Variants in CLN8 observed in about 807,000 individuals in gnomAD.
CLN8 encodes CLN8 transmembrane ER and ERGIC protein.
A neutral mutation model predicts 15.7 loss-of-function variants in CLN8; 14 were observed. The ratio of observed to expected loss-of-function variants is 0.89; its 90% CI spans 0.59 to 1.39. The LOEUF is 1.39. Among genes scored for constraint, CLN8 ranks in the 40% most tolerant of loss-of-function variants. The pLI, the probability that CLN8 is intolerant of heterozygous loss-of-function variation, is 0.00. For synonymous variants in CLN8, 188 were observed against 151.0 expected, an observed-to-expected ratio of 1.25 and a Z score of -1.80; for missense variants, 415 against 364.0, an observed-to-expected ratio of 1.14 and a Z score of -1.14.
upstream of CLN8, chr8:1,760,018 T>C (rs1006730787): frequency 6.6e-6 from 1 of 152,118 alleles, no homozygotes; most frequent in Non-Finnish European, 1.5e-5. Flanking sequence ...ACAATGAGCG[T>C]ATATTGCTTG....
rs1351374531 is a variant in CLN8 at position 1,781,810 on chromosome 8, T to G, written c.*1243T>G. On this transcript the variant is annotated 3_prime_UTR_variant, in exon 3 of 3. Transcript: ENST00000331222. ...CCCTCAGAGATGCTCGACTGCAGGG[T>G]CCTGGGGTCCCTAGAGTGGTCCTGC... 6.6e-6 allele frequency: 1 copy of G among 152,116 alleles called. No individual in the cohort carries two copies. The allele number at this position is 152,116 out of a possible 1,614,324, so 9.4% of individuals were successfully genotyped here.
chr8:1,780,567 G>C lies in CLN8; in HGVS notation c.861G>C (p.Ter287TyrextTer26), dbSNP rs2129015348. Residue 287 changes from the stop codon to tyrosine (Y), a stop_lost, in exon 3 of 3, where the codon TAG becomes TAC. Coordinates refer to ENST00000331222, the MANE Select transcript of CLN8 (RefSeq NM_018941.4). Reference sequence around the variant, plus strand: ...AGCTGCTGCGGAAGAAGAGGCCATAGCTGCTCCAGCCGGGGCTCCGGGGCG... The same window carrying C: ...AGCTGCTGCGGAAGAAGAGGCCATACCTGCTCCAGCCGGGGCTCCGGGGCG... ...NGQLLRKKRP[*>Y] The C allele has an allele frequency of 6.2e-7, 1 of 1,612,772 alleles. No homozygotes were observed. The highest frequency in any genetic ancestry group is 1.7e-5 in the Admixed American group (1 of 60,022).
upstream of CLN8, among the ~76,000 whole-genome samples, chr8:1,755,267 T>A (rs186928664): frequency 1.6e-3 from 241 of 152,168 alleles, 2 homozygotes; most frequent in Non-Finnish European, 2.4e-4. Flanking sequence ...AACAGAGAGG[T>A]TAGTCTATGT....
Position 1,780,579 on chromosome 8 carries a change from G to A in CLN8, c.*12G>A, listed in dbSNP as rs562114538. 8.1e-6 allele frequency: 13 copies of A among 1,610,614 alleles called. No homozygotes were observed. Among genetic ancestry groups the A allele is most frequent in the African/African-American group, 2.7e-5 (2 of 75,014 alleles). ...AGAAGAGGCCATAGCTGCTCCAGCC[G>A]GGGCTCCGGGGCGGCAGCAGAGCTG... On this transcript the variant is annotated 3_prime_UTR_variant, in exon 3 of 3. Transcript: ENST00000331222.
chr8:1,766,711 C>G (rs1345735405), intron 1 of CLN8, among the ~76,000 whole-genome samples: 1 of 152,154 alleles, frequency 6.6e-6, no homozygotes, highest in Non-Finnish European at 1.5e-5. Flanking sequence ...CCAGTTTTAC[C>G]CATGGAAGGA....
chr8:1,765,424 A>G (rs375614416), intron 1 of CLN8, among the ~76,000 whole-genome samples: 4 of 152,300 alleles, frequency 2.6e-5, no homozygotes, highest in African/African-American at 9.6e-5. Context: ...GAGGATTGTA[A>G]ATTTTTATTT....
At chr8:1,773,768 A>G (rs1331419582) in intron 2 of CLN8, 2 of 151,752 alleles carry the variant, frequency 1.3e-5, no homozygotes, top group African/African-American at 2.4e-5. Context: ...CGCATTGCCT[A>G]CTCCTCTCAC....
chr8:1,780,250 G>A lies in CLN8; in HGVS notation c.544G>A (p.Ala182Thr), dbSNP rs752847178. The change falls in exon 3 of 3, where the codon GCG (alanine) becomes ACG (threonine). Residue 182 changes from alanine to threonine, a missense_variant and splice_region_variant. Physicochemically the swap from Ala to Thr is moderately conservative, Grantham distance 58. Transcript: ENST00000331222. ...GTGCATTTGTCTTCTCTCCATGCAGGCGGGCTGGTCCGAGTCTCTGTTTTG... is the reference window on the plus strand; with the variant it reads ...GTGCATTTGTCTTCTCTCCATGCAGACGGGCTGGTCCGAGTCTCTGTTTTG... The part of the protein sequence containing the change: ...FTCVSWMLLK[A>T]GWSESLFWKL... 1.9e-6 allele frequency: 3 copies of A among 1,614,272 alleles called. No homozygotes were observed. The South Asian group carries it at 3.3e-5, about 18-fold the overall frequency.
At chr8:1,754,828 G>A (rs963188201), upstream of CLN8, among the ~76,000 whole-genome samples, 18 of 152,340 alleles carry the variant, frequency 1.2e-4, 1 homozygote, top group African/African-American at 4.3e-4. Context: ...CACAGCGCAT[G>A]TCTGGGTTCA....
upstream of CLN8, among the ~76,000 whole-genome samples, chr8:1,755,558 A>C (rs1388999900): frequency 1.3e-5 from 2 of 152,156 alleles, no homozygotes; most frequent in Non-Finnish European, 2.9e-5. Flanking sequence ...ACCGTGTCGC[A>C]GGTCCTGACA....
intron 2 of CLN8, chr8:1,780,002 C>T (rs1801658475): frequency 1.0e-6 from 1 of 985,318 alleles, no homozygotes; most frequent in Admixed American, 6.2e-5. Context: ...AGCCAAAGAG[C>T]AAGAGGAGCA....
At chr8:1,780,162 A>G in intron 2 of CLN8, 88 bp from the exon 3 acceptor site, 1 of 1,609,278 alleles carries the variant, frequency 6.2e-7, no homozygotes, top group Non-Finnish European at 8.5e-7. Context: ...TTGTTTGGTA[A>G]GTAAGGTAGC....
upstream of CLN8, among the ~76,000 whole-genome samples, chr8:1,760,944 G>A (rs553336166): frequency 1.3e-5 from 2 of 151,568 alleles, no homozygotes; most frequent in South Asian, 2.1e-4. Flanking sequence ...TCTAGTACTT[G>A]GTGGATGTAA....
At chr8:1,756,680 C>CT (rs751314711) in intron 1 of CLN8, among the ~76,000 whole-genome samples, 3,498 of 125,724 alleles carry the variant, frequency 0.028, 113 homozygotes, top group African/African-American at 0.067. Context: ...TTAAGCATTC[C>CT]TTTTTTTTTT....
At chr8:1,757,473 C>G (rs1236417396) in intron 1 of CLN8, among the ~76,000 whole-genome samples, 2 of 152,142 alleles carry the variant, frequency 1.3e-5, no homozygotes, top group Non-Finnish European at 1.5e-5. Flanking sequence ...TGGAGTCTTG[C>G]TCTGTAGTCT....
At chr8:1,767,384 C>T (rs1225967177) in intron 1 of CLN8, among the ~76,000 whole-genome samples, 3 of 152,130 alleles carry the variant, frequency 2.0e-5, no homozygotes, top group Non-Finnish European at 2.9e-5. Context: ...TTACCTGTTT[C>T]TGTTTCCATG....
rs966580252 is a variant in CLN8 at position 1,786,387 on chromosome 8, G to A, written c.*5820G>A. On this transcript the variant is annotated 3_prime_UTR_variant, in exon 3 of 3. Coordinates refer to ENST00000331222, the MANE Select transcript of CLN8 (RefSeq NM_018941.4). The stretch of plus-strand genomic sequence containing the variant: ...ACGCTTTCAGTTCACCCCTTTCTTT[G>A]CTAACTTTCTTCCTATTTTCTTCTA... 1 of 152,158 alleles carries A rather than the reference G, an allele frequency of 6.6e-6. No homozygotes were observed. The highest frequency in any genetic ancestry group is 2.4e-5 in the African/African-American group (1 of 41,426). The allele number at this position is 152,158 out of a possible 1,614,324, so 9.4% of individuals were successfully genotyped here.
chr8:1,771,741 A>G (rs573620626), intron 2 of CLN8, 144 bp downstream of exon 2: 87 of 767,352 alleles, frequency 1.1e-4, no homozygotes, highest in South Asian at 9.0e-4. Context: ...GTTGAATGCA[A>G]TATTCTGGTT....
In CLN8 at chr8:1,780,998, T is replaced by C. The variant is rs1474782440; in HGVS notation, c.*431T>C. ...TATTCAGAAGTCACATTCTTTTCAG[T>C]TGGAGAGAATTGGGCTAAGATAGAA... is the stretch of plus-strand genomic sequence containing the variant. On this transcript the variant is annotated 3_prime_UTR_variant, in exon 3 of 3. Transcript: ENST00000331222. The C allele has an allele frequency of 5.5e-6, 1 of 182,802 alleles. No individual in the cohort carries two copies. The highest frequency in any genetic ancestry group is 2.4e-5 in the African/African-American group (1 of 42,258). The allele number at this position is 182,802 out of a possible 1,614,324, so 11.3% of individuals were successfully genotyped here. A position where few individuals can be genotyped will look rare whatever the true frequency, so the allele number is the denominator to read the frequency against.
Sources: allele counts gnomAD v4.1 joint callset (sites outside exome capture counted in the v4.1 genomes callset), GRCh38; gene constraint gnomAD v4.1.1; transcripts MANE v1.5; gene names NCBI Gene and HGNC (gene_info 2026-07-23, HGNC 2026-07-21).